Variants in FAR2 observed in about 807,000 individuals in gnomAD.
FAR2 encodes the protein fatty acyl-CoA reductase 2, also known as epididymis secretory protein Li 81.
In FAR2, 19 loss-of-function variants were observed where a neutral mutation model predicts 56.0. The observed-to-expected ratio is 0.34, with a 90% CI of 0.24 to 0.50. FAR2 has a LOEUF of 0.50. Ranked by LOEUF, FAR2 falls within the 20% of genes least tolerant of loss-of-function variation. The probability of loss-of-function intolerance (pLI) is 0.98; values close to 1 mark genes in which losing one functional copy is unlikely to be tolerated. For missense variants in FAR2, 508 were observed against 642.2 expected, an observed-to-expected ratio of 0.79 and a Z score of 2.26; for synonymous variants, 219 against 218.8, an observed-to-expected ratio of 1.00 and a Z score of -0.01.
At chr12:29,157,106 T>TTTTATATA (rs1207127541) in intron 1 of FAR2, 11 of 73,452 alleles carry the variant, frequency 1.5e-4, no homozygotes, top group Admixed American at 6.0e-4. Flanking sequence ...AAAGAACATT[T>TTTTATATA]TATATATATA....
chr12:29,163,227 CTG>C (rs1282677726), intron 1 of FAR2, among the ~76,000 whole-genome samples: 1 of 152,192 alleles, frequency 6.6e-6, no homozygotes, highest in Admixed American at 6.5e-5. Flanking sequence ...CTTTATTTCT[CTG>C]TGCCTTAGTT....
rs531371348 is a variant in FAR2, at chr12:29,317,111, A to G, written c.1127+99A>G. On this transcript the variant is annotated intron_variant, in intron 9 of 11. Coordinates refer to ENST00000536681, the MANE Select transcript of FAR2 (RefSeq NM_001271783.2). ...CTTCAGCCGAGGATTAAAGGAGACA[A>G]CTGAATCTTACCCATATATACAGAT... 19 of 1,280,106 alleles carry G rather than the reference A, an allele frequency of 1.5e-5. 1 individual carries two copies. Among genetic ancestry groups the G allele is most frequent in the Middle Eastern group, 2.8e-4 (1 of 3,544 alleles). 79.3% of individuals were successfully genotyped at this position (1,280,106 alleles called of 1,614,324 possible). A position where few individuals can be genotyped will look rare whatever the true frequency, so the allele number is the denominator to read the frequency against.
intron 1 of FAR2, among the ~76,000 whole-genome samples, chr12:29,251,734 A>C (rs1404348851): frequency 6.6e-6 from 1 of 152,154 alleles, no homozygotes; most frequent in African/African-American, 2.4e-5. Context: ...AACCAAAAGC[A>C]ATACCACATT....
chr12:29,230,336 G>A (rs1383623631), intron 1 of FAR2, among the ~76,000 whole-genome samples: 6 of 152,026 alleles, frequency 3.9e-5, no homozygotes, highest in Non-Finnish European at 8.8e-5. Context: ...TGGGTAGGGG[G>A]AGGAGTGAGG....
chr12:29,218,092 C>T (rs1292776913), intron 1 of FAR2, among the ~76,000 whole-genome samples: 2 of 151,786 alleles, frequency 1.3e-5, no homozygotes, highest in African/African-American at 4.8e-5. Flanking sequence ...TGTGGTGGCT[C>T]ACGCCTGTAA....
intron 1 of FAR2, among the ~76,000 whole-genome samples, chr12:29,200,493 C>G (rs370141597): frequency 2.0e-5 from 3 of 152,294 alleles, no homozygotes; most frequent in Non-Finnish European, 4.4e-5. Flanking sequence ...TTGGGATGCT[C>G]TCTCTCTCCT....
intron 1 of FAR2, among the ~76,000 whole-genome samples, chr12:29,266,464 T>C (rs1367942555): frequency 6.6e-6 from 1 of 152,048 alleles, no homozygotes; most frequent in Non-Finnish European, 1.5e-5. Context: ...ACAATTGAAC[T>C]CATGGACAAA....
chr12:29,303,900 AAATGGCAGGCCATT>A (rs1949215519), intron 4 of FAR2, among the ~76,000 whole-genome samples: 1 of 152,222 alleles, frequency 6.6e-6, no homozygotes, highest in Non-Finnish European at 1.5e-5. Flanking sequence ...AGTAATTTTC[AAATGGCAGGCCATT>A]GGCAGGGTAT....
intron 2 of FAR2, among the ~76,000 whole-genome samples, chr12:29,284,794 C>T (rs1458519531): frequency 2.0e-5 from 3 of 151,916 alleles, no homozygotes; most frequent in Non-Finnish European, 2.9e-5. Context: ...AAAGAAAAGC[C>T]CACCAATGAA....
At chr12:29,311,215 C>T (rs1949346062) in intron 7 of FAR2, 69 bp downstream of exon 7, 2 of 1,039,390 alleles carry the variant, frequency 1.9e-6, no homozygotes, top group Non-Finnish European at 3.0e-6. Context: ...GCCCATTTTC[C>T]AAATATAGGC....
At chr12:29,256,674 G>A (rs983473497) in intron 1 of FAR2, among the ~76,000 whole-genome samples, 42 of 152,192 alleles carry the variant, frequency 2.8e-4, no homozygotes, top group African/African-American at 9.2e-4. Flanking sequence ...GAGGCTGTGC[G>A]TGGCACTTGC....
intron 1 of FAR2, among the ~76,000 whole-genome samples, chr12:29,169,109 A>G (rs7310557): frequency 0.029 from 4,435 of 152,288 alleles, 82 homozygotes; most frequent in Non-Finnish European, 0.044. Flanking sequence ...CTAGCTAGAC[A>G]GAAAAGTTCT....
At chr12:29,258,299 G>A (rs746303844) in intron 1 of FAR2, among the ~76,000 whole-genome samples, 19 of 152,068 alleles carry the variant, frequency 1.2e-4, no homozygotes, top group Admixed American at 3.9e-4. Flanking sequence ...AGATTGCAGT[G>A]AGCCGAGATC....
intron 1 of FAR2, among the ~76,000 whole-genome samples, chr12:29,236,586 C>G (rs552192313): frequency 1.3e-5 from 2 of 152,228 alleles, no homozygotes; most frequent in Non-Finnish European, 2.9e-5. Flanking sequence ...GGAAAAACTA[C>G]TATTTATAAA....
intron 1 of FAR2, among the ~76,000 whole-genome samples, chr12:29,251,428 T>G (rs1212856847): frequency 6.6e-6 from 1 of 152,190 alleles, no homozygotes; most frequent in Non-Finnish European, 1.5e-5. Context: ...AACTGGAGAC[T>G]GGTCTGAACT....
intron 1 of FAR2, among the ~76,000 whole-genome samples, chr12:29,251,613 G>A (rs1039078551): frequency 6.6e-6 from 1 of 152,146 alleles, no homozygotes; most frequent in Admixed American, 6.5e-5. Flanking sequence ...AAGATATCCT[G>A]AGCAACTGGC....
intron 1 of FAR2, among the ~76,000 whole-genome samples, chr12:29,179,524 T>G (rs981203929): frequency 7.2e-5 from 11 of 152,106 alleles, no homozygotes; most frequent in Non-Finnish European, 1.3e-4. Context: ...AATGCAAAGG[T>G]GAAAATTCTT....
At chr12:29,220,170 T>G (rs1203958990) in intron 1 of FAR2, among the ~76,000 whole-genome samples, 1 of 152,202 alleles carries the variant, frequency 6.6e-6, no homozygotes, top group Non-Finnish European at 1.5e-5. Flanking sequence ...TAATGGACTC[T>G]GGCTGTGTCA....
chr12:29,191,389 A>T (rs1378807993), intron 1 of FAR2, among the ~76,000 whole-genome samples: 1 of 152,258 alleles, frequency 6.6e-6, no homozygotes, highest in Non-Finnish European at 1.5e-5. Context: ...GTGTAAGGAG[A>T]AAACTTGTAA....
Sources: gnomAD v4.1 joint callset for allele counts (sites outside exome capture counted in the v4.1 genomes callset) on GRCh38, gnomAD v4.1.1 for gene constraint, MANE v1.5 for transcripts, NCBI Gene and HGNC (gene_info 2026-07-23, HGNC 2026-07-21) for gene names.